Variants in IFT80 observed in about 807,000 individuals in gnomAD.
IFT80 encodes intraflagellar transport 80.
A neutral mutation model predicts 107.9 loss-of-function variants in IFT80; 79 were observed. That is an observed-to-expected ratio of 0.73 (90% CI 0.61 to 0.88). The LOEUF is 0.88. Ranked by LOEUF, IFT80 falls within the 40% of genes least tolerant of loss-of-function variation. IFT80 has a pLI of 0.00. For synonymous variants in IFT80, 299 were observed against 300.9 expected (o/e 0.99, Z 0.07); for missense variants, 797 against 914.2 (o/e 0.87, Z 1.65).
At chr3:160,290,146 CCT>C (rs1463356343) in intron 12 of IFT80, among the ~76,000 whole-genome samples, 1 of 152,030 alleles carries the variant, frequency 6.6e-6, no homozygotes, top group Non-Finnish European at 1.5e-5. Flanking sequence ...CGGGCTCACA[CCT>C]GTAATCCGAG....
rs1559917807 is a variant in IFT80, at chr3:160,282,526, T to C, written c.1468A>G (p.Ile490Val). The change falls in exon 14 of 20, where the codon ATC (isoleucine) becomes GTC (valine). Residue 490 changes from isoleucine (I) to valine (V), a missense_variant. Coordinates refer to ENST00000326448, the MANE Select transcript of IFT80 (RefSeq NM_020800.3). Reference protein sequence around the residue: ...AFIDKNRDLCITSVKRFGKEE... With the variant: ...AFIDKNRDLCVTSVKRFGKEE... ...TTCCCAAATCGTTTCACAGAAGTGA[T>C]ACAGAGATCTCTATTTTTATCAATG... 1 of 1,596,540 alleles carries C rather than the reference T, an allele frequency of 6.3e-7. No homozygotes were observed. Among genetic ancestry groups the C allele is most frequent in the Middle Eastern group, 1.9e-4 (1 of 5,390 alleles).
In IFT80 at chr3:160,330,258, T is replaced by G. The variant is rs1005606871; in HGVS notation, c.778-10319A>C. ...AATCTCCTGGGGGTAGGTCTGGATGTGTGTTTAAAAGTTCTCTAGGTGATT... is the reference window on the plus strand; with the variant it reads ...AATCTCCTGGGGGTAGGTCTGGATGGGTGTTTAAAAGTTCTCTAGGTGATT... On this transcript the variant is annotated intron_variant, in intron 8 of 19. Transcript: ENST00000326448. 1.1e-3 allele frequency among the ~76,000 whole-genome samples: 162 copies of G among 152,292 alleles called. 3 individuals carry two copies. Among genetic ancestry groups the G allele is most frequent in the Non-Finnish European group, 4.4e-5 (3 of 68,034 alleles).
chr3:160,351,122 T>C (rs953627805), intron 8 of IFT80, among the ~76,000 whole-genome samples: 31 of 151,966 alleles, frequency 2.0e-4, no homozygotes, highest in Non-Finnish European at 4.0e-4. Flanking sequence ...ACTCCAGACA[T>C]AACCATTGTT....
intron 12 of IFT80, among the ~76,000 whole-genome samples, chr3:160,300,314 T>C (rs1716325074): frequency 1.3e-5 from 2 of 152,184 alleles, no homozygotes; most frequent in Non-Finnish European, 2.9e-5. Context: ...GAATCTGTGA[T>C]ACACATATGC....
rs1312732714 is a variant in IFT80 at position 160,353,032 on chromosome 3, T to C, written c.777+2981A>G. The stretch of plus-strand genomic sequence containing the variant: ...AATCTAATAAGGTAACTATCTAAAA[T>C]TGATCAGTGACTCACCATTGCCCAT... On this transcript the variant is annotated intron_variant, in intron 8 of 19. Coordinates refer to ENST00000326448, the MANE Select transcript of IFT80 (RefSeq NM_020800.3). 3.3e-5 allele frequency among the ~76,000 whole-genome samples: 5 copies of C among 152,308 alleles called. No individual in the cohort carries two copies. In the South Asian group the frequency reaches 8.3e-4, roughly 25 times the overall value.
chr3:160,289,296 G>A (rs1715347395), intron 12 of IFT80, among the ~76,000 whole-genome samples: 1 of 152,082 alleles, frequency 6.6e-6, no homozygotes, highest in African/African-American at 2.4e-5. Flanking sequence ...AGAGACTGGG[G>A]GCTTGAGGGT....
rs1714347314 is a variant in IFT80, at chr3:160,277,377, T to G, written c.2028A>C (p.Glu676Asp). Residue 676 changes from glutamate to aspartate, a missense_variant, in exon 18 of 20, where the codon GAA becomes GAC. Transcript: ENST00000326448. ...LLFSGNIQEA[E>D]IVLLQAGLVY... The stretch of plus-strand genomic sequence containing the variant: ...CAAGGCCAGCCTGAAGAAGTACTAT[T>G]TCAGCCTCCTGTATGTTCCCACTAA... The G allele has an allele frequency of 6.2e-7, 1 of 1,613,788 alleles. No homozygotes were observed. The highest frequency in any genetic ancestry group is 8.5e-7 in the Non-Finnish European group (1 of 1,179,808).
chr3:160,377,312 T>C (rs1712102849), intron 4 of IFT80, 118 bp downstream of exon 4: 3 of 681,484 alleles, frequency 4.4e-6, no homozygotes, highest in Non-Finnish European at 8.1e-6. Context: ...AACAATACTA[T>C]GCCAATTATT....
intron 5 of IFT80, among the ~76,000 whole-genome samples, chr3:160,372,965 A>C (rs1711646807): frequency 6.6e-6 from 1 of 152,196 alleles, no homozygotes; most frequent in South Asian, 2.1e-4. Flanking sequence ...AACCAACTCA[A>C]AATGAATCAC....
chr3:160,291,111 G>A (rs1359494188), intron 12 of IFT80, among the ~76,000 whole-genome samples: 1 of 152,118 alleles, frequency 6.6e-6, no homozygotes, highest in African/African-American at 2.4e-5. Context: ...AAAACGCTGG[G>A]TAGAATACAG....
Position 160,268,801 on chromosome 3 carries a change from A to G in IFT80, c.2100-265T>C, listed in dbSNP as rs1713560023. ...TCTATGCTTCATACCATTTATATAT[A>G]TACTATTATTACAGCACTCCTTATA... On this transcript the variant is annotated intron_variant, in intron 18 of 19. Transcript: ENST00000326448. 7.2e-6 allele frequency: 3 copies of G among 414,064 alleles called. No individual in the cohort carries two copies. The South Asian group carries it at 7.4e-5, about 10-fold the overall frequency. 25.6% of individuals were successfully genotyped at this position (414,064 alleles called of 1,614,324 possible).
At chr3:160,331,718 T>A (rs567254208) in intron 8 of IFT80, among the ~76,000 whole-genome samples, 1 of 152,226 alleles carries the variant, frequency 6.6e-6, no homozygotes, top group African/African-American at 2.4e-5. Flanking sequence ...TGGAGTACAG[T>A]GATGCAATAA....
intron 16 of IFT80, among the ~76,000 whole-genome samples, chr3:160,278,340 G>C (rs528682006): frequency 6.6e-6 from 1 of 152,334 alleles, no homozygotes; most frequent in East Asian, 1.9e-4. Context: ...GCACTGGCCA[G>C]GTGGAAAGTC....
rs1414654169 is a variant in IFT80, at chr3:160,280,684, T to C, written c.1647A>G (p.Leu549=). 3 of 1,612,476 alleles carry C rather than the reference T, an allele frequency of 1.9e-6. No homozygotes were observed. The highest frequency in any genetic ancestry group is 1.7e-6 in the Non-Finnish European group (2 of 1,178,806). ...YVDRDILPKT[L]YERDASEFSK... is the part of the protein sequence containing the mutation. The stretch of plus-strand genomic sequence containing the variant: ...AATGTTACCTTGCATCCCTTTCATA[T>C]AATGTTTTAGGCAAAATGTCTCTGT... The change falls in exon 15 of 20, where the codon TTA becomes TTG. Residue 549 remains leucine, a synonymous_variant. Coordinates refer to ENST00000326448, the MANE Select transcript of IFT80 (RefSeq NM_020800.3).
chr3:160,343,816 C>T (rs1720090551), intron 8 of IFT80: 1 of 314,466 alleles, frequency 3.2e-6, no homozygotes, highest in Admixed American at 3.8e-5. Flanking sequence ...GGAATAAAAA[C>T]TGTCAACAAA....
intron 1 of IFT80, among the ~76,000 whole-genome samples, chr3:160,387,523 CA>C (rs1713035987): frequency 6.6e-6 from 1 of 151,974 alleles, no homozygotes; most frequent in Non-Finnish European, 1.5e-5. Context: ...AAAAGAAAAA[CA>C]GTAGTAAAAA....
intron 18 of IFT80, 63 bp downstream of exon 18, chr3:160,277,243 G>T: frequency 7.4e-7 from 1 of 1,360,164 alleles, no homozygotes; most frequent in Non-Finnish European, 1.1e-6. Flanking sequence ...TTACTAAGTG[G>T]TAGATGGAAA....
chr3:160,326,326 G>C (rs1718673507), intron 8 of IFT80, among the ~76,000 whole-genome samples: 2 of 152,182 alleles, frequency 1.3e-5, no homozygotes, highest in Non-Finnish European at 2.9e-5. Context: ...CTCATTCTAT[G>C]AGGTCTGCAT....
At position 160,285,867 on chromosome 3, in the gene IFT80, T is replaced by G. The variant is rs754779981; in HGVS notation, c.1317A>C (p.Ile439=). The change falls in exon 13 of 20, where the codon ATA becomes ATC. Residue 439 remains isoleucine, a splice_region_variant and synonymous_variant. Transcript: ENST00000326448. ...IAIRDKADEK[I]IFLFEASTGK... ...CGGTTGATGCCTCAAAGAGGAAGAT[T>G]ACTTGAAAAAAAGTAGAACATTAAT... The G allele has an allele frequency of 4.3e-6, 7 of 1,609,250 alleles. No individual in the cohort carries two copies. The highest frequency in any genetic ancestry group is 5.1e-6 in the Non-Finnish European group (6 of 1,176,466).
Sources: allele counts gnomAD v4.1 joint callset (sites outside exome capture counted in the v4.1 genomes callset), GRCh38; gene constraint gnomAD v4.1.1; transcripts MANE v1.5; gene names NCBI Gene and HGNC (gene_info 2026-07-23, HGNC 2026-07-21).